The following BOLA3 variants were observed in gnomAD, a reference collection of about 807,000 sequenced individuals.
BOLA3 encodes bolA-like protein 3.
BOLA3 carries 8 observed loss-of-function variants against 14.5 expected under a neutral mutation model. That is an observed-to-expected ratio of 0.55 (90% CI 0.32 to 0.99). BOLA3 has a LOEUF of 0.99. BOLA3 is among the 50% of genes least tolerant of loss of function. BOLA3 has a pLI of 0.04. For missense variants in BOLA3, 115 were observed against 138.2 expected, an observed-to-expected ratio of 0.83 and a Z score of 0.84; for synonymous variants, 42 against 45.7, an observed-to-expected ratio of 0.92 and a Z score of 0.33.
Position 74,135,510 on chromosome 2 carries a change from T to G in BOLA3, c.*83A>C. 6.3e-7 allele frequency: 1 copy of G among 1,577,782 alleles called. No individual in the cohort carries two copies. The highest frequency in any genetic ancestry group is 1.1e-5 in the South Asian group (1 of 90,222). On this transcript the variant is annotated 3_prime_UTR_variant, in exon 4 of 4. Coordinates refer to ENST00000327428, the MANE Select transcript of BOLA3 (RefSeq NM_212552.3). ...GTATATGAGCAAAATATATAAATTT[T>G]TTGGTGACTGCTTAGGGAAGAATGA...
intron 3 of BOLA3, among the ~76,000 whole-genome samples, chr2:74,136,054 A>G (rs1159689336): frequency 6.6e-6 from 1 of 151,612 alleles, no homozygotes; most frequent in Non-Finnish European, 1.5e-5. Flanking sequence ...GGCTCAAACA[A>G]TCTTCCTGCT....
chr2:74,140,379 T>G (rs184512396), intron 3 of BOLA3, among the ~76,000 whole-genome samples: 1 of 152,318 alleles, frequency 6.6e-6, no homozygotes, highest in East Asian at 1.9e-4. Context: ...AAAACATAAT[T>G]TCCATGGGTA....
chr2:74,143,428 G>C (rs1692484478), intron 2 of BOLA3, among the ~76,000 whole-genome samples: 1 of 152,126 alleles, frequency 6.6e-6, no homozygotes, highest in African/African-American at 2.4e-5. Flanking sequence ...CAAAGTGCTG[G>C]GATTACAGGC....
At chr2:74,144,143 C>G (rs976009249) in intron 2 of BOLA3, among the ~76,000 whole-genome samples, 4 of 150,750 alleles carry the variant, frequency 2.7e-5, no homozygotes, top group Non-Finnish European at 2.9e-5. Flanking sequence ...GTAGCTGGGA[C>G]TACAGGCGTG....
chr2:74,135,500 A>G lies in BOLA3; in HGVS notation c.*93T>C, dbSNP rs762034480. On this transcript the variant is annotated 3_prime_UTR_variant, in exon 4 of 4. Transcript: ENST00000327428. ...ATATGGAAATGTATATGAGCAAAAT[A>G]TATAAATTTTTTGGTGACTGCTTAG... 7 of 1,552,966 alleles carry G rather than the reference A, an allele frequency of 4.5e-6. No homozygotes were observed. In the Admixed American group the frequency reaches 5.0e-5, roughly 11 times the overall value.
In BOLA3 at chr2:74,140,743, A is replaced by G. The variant is rs1022555397; in HGVS notation, c.258+1529T>C. ...TGGTGATGGCGGTCACATTTATGGA[A>G]GGCTTACTATGTGTCGGGCAGTGTT... On this transcript the variant is annotated intron_variant, in intron 3 of 3. Coordinates refer to ENST00000327428, the MANE Select transcript of BOLA3 (RefSeq NM_212552.3). 2.0e-5 allele frequency among the ~76,000 whole-genome samples: 3 copies of G among 152,320 alleles called. No individual in the cohort carries two copies. The East Asian group carries it at 5.8e-4, about 29-fold the overall frequency.
intron 1 of BOLA3, chr2:74,145,727 G>A: frequency 3.7e-6 from 1 of 271,946 alleles, no homozygotes; most frequent in Non-Finnish European, 7.2e-6. Flanking sequence ...ATACCACTAG[G>A]CCATCCACTG....
intron 3 of BOLA3, among the ~76,000 whole-genome samples, chr2:74,141,180 G>C (rs932639140): frequency 1.3e-5 from 2 of 152,192 alleles, no homozygotes; most frequent in Admixed American, 6.5e-5. Flanking sequence ...CAGTGATGGA[G>C]CACCCAGCAG....
intron 3 of BOLA3, among the ~76,000 whole-genome samples, chr2:74,138,274 GC>G (rs555055069): frequency 9.5e-4 from 145 of 152,360 alleles, no homozygotes; most frequent in Middle Eastern, 6.8e-3. Flanking sequence ...TATGCCCACA[GC>G]ACTATAGTAG....
intron 1 of BOLA3, 35 bp from the exon 2 acceptor site, chr2:74,145,338 G>A (rs1692524553): frequency 1.6e-6 from 2 of 1,281,250 alleles, no homozygotes; most frequent in Non-Finnish European, 2.3e-6. Context: ...CAGGGCAGAG[G>A]AAGATGCTGT....
intron 3 of BOLA3, among the ~76,000 whole-genome samples, chr2:74,140,908 G>A (rs932612388): frequency 2.0e-5 from 3 of 152,234 alleles, no homozygotes; most frequent in Non-Finnish European, 4.4e-5. Context: ...AAGTAGCAAA[G>A]CCCAGATTTG....
At chr2:74,145,949 AC>A (rs1692534292) in intron 1 of BOLA3, 1 of 150,840 alleles carries the variant, frequency 6.6e-6, no homozygotes, top group African/African-American at 2.4e-5. Flanking sequence ...TGGCAACAAC[AC>A]CCCTTCCCCA....
chr2:74,135,724 G>T, intron 3 of BOLA3, 66 bp from the exon 4 acceptor site: 1 of 1,163,434 alleles, frequency 8.6e-7, no homozygotes, highest in Non-Finnish European at 1.3e-6. Context: ...TTCTCTGAGA[G>T]TATTTTTATA....
chr2:74,137,379 A>G (rs1692354572), intron 3 of BOLA3, among the ~76,000 whole-genome samples: 1 of 152,248 alleles, frequency 6.6e-6, no homozygotes, highest in Non-Finnish European at 1.5e-5. Flanking sequence ...AGACCAACAC[A>G]GGGAAAGAAG....
chr2:74,136,176 C>G (rs938547860), intron 3 of BOLA3, among the ~76,000 whole-genome samples: 4 of 152,122 alleles, frequency 2.6e-5, no homozygotes, highest in Non-Finnish European at 5.9e-5. Context: ...TCTTGAACTC[C>G]TGGACTGGAG....
rs768012977 is a variant in BOLA3 at position 74,147,869 on chromosome 2, A to G, written c.6T>C (p.Ala2=). The G allele has an allele frequency of 6.6e-7, 1 of 1,518,874 alleles. No individual in the cohort carries two copies. The highest frequency in any genetic ancestry group is 1.2e-5 in the South Asian group (1 of 82,278). The allele number at this position is 1,518,874 out of a possible 1,614,324, so 94.1% of individuals were successfully genotyped here. A position where few individuals can be genotyped will look rare whatever the true frequency, so the allele number is the denominator to read the frequency against. Residue 2 remains alanine (A), a synonymous_variant, in exon 1 of 4, where the codon GCT becomes GCC. Coordinates refer to ENST00000327428, the MANE Select transcript of BOLA3 (RefSeq NM_212552.3). M[A]AWSPAAAAPL... Reference sequence around the variant, plus strand: ...GCGCTGCCGCGGCCGGGCTCCATGCAGCCATGCCCGGCCGACGTGACCCGC... The same window carrying G: ...GCGCTGCCGCGGCCGGGCTCCATGCGGCCATGCCCGGCCGACGTGACCCGC...
chr2:74,147,086 G>A (rs1266298807), intron 1 of BOLA3: 1 of 152,272 alleles, frequency 6.6e-6, no homozygotes, highest in Non-Finnish European at 1.5e-5. Flanking sequence ...GCTACTAAGG[G>A]GTGAGAGAGG....
At chr2:74,143,829 G>A (rs1218467089) in intron 2 of BOLA3, among the ~76,000 whole-genome samples, 2 of 151,238 alleles carry the variant, frequency 1.3e-5, no homozygotes, top group African/African-American at 2.4e-5. Context: ...TGGGATTACA[G>A]GTGCCTGCTA....
At position 74,140,595 on chromosome 2, in the gene BOLA3, AG is replaced by A. The variant is rs1195883386; in HGVS notation, c.258+1676del. 2.6e-5 allele frequency among the ~76,000 whole-genome samples: 4 copies of A among 152,174 alleles called. No individual in the cohort carries two copies. In the East Asian group the frequency reaches 5.8e-4, roughly 22 times the overall value. On this transcript the variant is annotated intron_variant, in intron 3 of 3. Transcript: ENST00000327428. ...TGTGAGGAGAGGCACATGTTGCTAT[AG>A]GGGGCCAGAAGACACCTTAATCCCA...
Sources: gnomAD v4.1 joint callset for allele counts (sites outside exome capture counted in the v4.1 genomes callset) on GRCh38, gnomAD v4.1.1 for gene constraint, MANE v1.5 for transcripts, NCBI Gene and HGNC (gene_info 2026-07-23, HGNC 2026-07-21) for gene names.